EBF2: variants seen among roughly 807,000 people sequenced by gnomAD.
EBF2 encodes transcription factor COE2.
In EBF2, 21 loss-of-function variants were observed where a neutral mutation model predicts 72.8. That is an observed-to-expected ratio of 0.29 (90% CI 0.20 to 0.42). The LOEUF is 0.42. Among genes scored for constraint, EBF2 ranks in the 10% least tolerant of loss-of-function variants. The pLI is 1.00. For synonymous variants in EBF2, 299 were observed against 274.2 expected (o/e 1.09, Z -0.89); for missense variants, 637 against 731.2 (o/e 0.87, Z 1.49).
intron 6 of EBF2, among the ~76,000 whole-genome samples, chr8:26,021,493 CACTGCTTTCCA>C (rs1310006667): frequency 1.3e-5 from 2 of 152,168 alleles, no homozygotes; most frequent in African/African-American, 4.8e-5. Context: ...GAGAAAGGGC[CACTGCTTTCCA>C]ACTCCTCACA....
intron 10 of EBF2, among the ~76,000 whole-genome samples, chr8:25,872,237 G>A (rs1179158738): frequency 6.6e-6 from 1 of 152,118 alleles, no homozygotes; most frequent in East Asian, 1.9e-4. Context: ...ACCAGCAGGA[G>A]CACTGATTGC....
At chr8:25,978,802 T>A (rs770670132) in intron 6 of EBF2, among the ~76,000 whole-genome samples, 4 of 152,182 alleles carry the variant, frequency 2.6e-5, no homozygotes, top group Non-Finnish European at 4.4e-5. Flanking sequence ...AAGGGGCCCT[T>A]CGGTGCACAG....
chr8:25,905,458 T>C (rs74613395), intron 7 of EBF2, among the ~76,000 whole-genome samples: 1 of 152,302 alleles, frequency 6.6e-6, no homozygotes, highest in African/African-American at 2.4e-5. Context: ...AACTGACTAA[T>C]GAATTTTAAA....
Position 25,968,438 on chromosome 8 carries a change from G to A in EBF2, c.552-59883C>T, listed in dbSNP as rs992073217. Among the ~76,000 whole-genome samples the A allele has an allele frequency of 3.0e-4, 45 of 152,242 alleles. 1 individual carries two copies. Among genetic ancestry groups the A allele is most frequent in the Admixed American group, 2.9e-3 (45 of 15,292 alleles). On this transcript the variant is annotated intron_variant, in intron 6 of 15. Transcript: ENST00000520164. Reference sequence around the variant, plus strand: ...TGAGTGAAATAAACCAGTTATGAACGAATATTGTATAATCCCACTCACATG... The same window carrying A: ...TGAGTGAAATAAACCAGTTATGAACAAATATTGTATAATCCCACTCACATG...
chr8:25,981,857 C>T (rs1025385440), intron 6 of EBF2, among the ~76,000 whole-genome samples: 3 of 151,762 alleles, frequency 2.0e-5, no homozygotes, highest in Non-Finnish European at 4.4e-5. Context: ...AATAGATGCC[C>T]AGTTCTCCTT....
chr8:25,957,514 A>G (rs759349093), intron 6 of EBF2, among the ~76,000 whole-genome samples: 6 of 152,062 alleles, frequency 3.9e-5, no homozygotes, highest in Non-Finnish European at 7.4e-5. Flanking sequence ...GTGGAGCAAC[A>G]GTGTTTGGAA....
intron 6 of EBF2, among the ~76,000 whole-genome samples, chr8:25,987,898 C>T (rs549810548): frequency 5.0e-4 from 76 of 152,144 alleles, no homozygotes; most frequent in African/African-American, 1.6e-3. Flanking sequence ...ATATACAAAA[C>T]TCATAATCAT....
At position 25,886,788 on chromosome 8, in the gene EBF2, A is replaced by C. The variant is rs1802696636; in HGVS notation, c.976T>G (p.Cys326Gly). The C allele has an allele frequency of 6.2e-7, 1 of 1,611,810 alleles. No individual in the cohort carries two copies. Among genetic ancestry groups the C allele is most frequent in the Admixed American group, 1.7e-5 (1 of 59,740 alleles). The change falls in exon 10 of 16, where the codon TGC becomes GGC. Residue 326 changes from cysteine to glycine, a missense_variant. By Grantham distance (159) the Cys-to-Gly change is radical. Transcript: ENST00000520164. The stretch of plus-strand genomic sequence containing the variant: ...ATGAACCTTCCTGGGGCTCCTTTGC[A>C]GAACTGTTTAGATTTATAAGATAAT... The part of the protein sequence containing the change: ...VTLSYKSKQF[C>G]KGAPGRFIYT...
chr8:25,873,040 G>T (rs375923984), intron 10 of EBF2, among the ~76,000 whole-genome samples: 1 of 152,130 alleles, frequency 6.6e-6, no homozygotes, highest in Admixed American at 6.5e-5. Context: ...TCTCTCCCTC[G>T]TCCTTCCCCT....
chr8:25,995,721 A>C (rs974076898), intron 6 of EBF2, among the ~76,000 whole-genome samples: 1 of 152,120 alleles, frequency 6.6e-6, no homozygotes, highest in Non-Finnish European at 1.5e-5. Flanking sequence ...AGAAAAACAT[A>C]AACCAAAATT....
At chr8:25,909,987 G>A (rs1451631202) in intron 6 of EBF2, among the ~76,000 whole-genome samples, 1 of 152,130 alleles carries the variant, frequency 6.6e-6, no homozygotes, top group Non-Finnish European at 1.5e-5. Flanking sequence ...GTGGGAGGTT[G>A]GGCTTTGCTT....
intron 15 of EBF2, among the ~76,000 whole-genome samples, chr8:25,847,785 G>T (rs533315404): frequency 6.6e-6 from 1 of 152,120 alleles, no homozygotes; most frequent in Non-Finnish European, 1.5e-5. Flanking sequence ...TTCTCCACAC[G>T]TCACTTGATA....
In EBF2 at chr8:25,843,920, C is replaced by T. The variant is rs960091275; in HGVS notation, c.*689G>A. ...AAAACTTGTTACTACATGTTTGCAT[C>T]ATTTTCATTTTACATCAGGAAGAGA... On this transcript the variant is annotated 3_prime_UTR_variant, in exon 16 of 16. Coordinates refer to ENST00000520164, the MANE Select transcript of EBF2 (RefSeq NM_022659.4). 14 of 152,120 alleles carry T rather than the reference C, an allele frequency of 9.2e-5. No individual in the cohort carries two copies. Among genetic ancestry groups the T allele is most frequent in the African/African-American group, 3.1e-4 (13 of 41,412 alleles). The allele number at this position is 152,120 out of a possible 1,614,324, so 9.4% of individuals were successfully genotyped here.
chr8:25,952,102 G>A (rs1473891137), intron 6 of EBF2, among the ~76,000 whole-genome samples: 2 of 152,114 alleles, frequency 1.3e-5, no homozygotes, highest in African/African-American at 2.4e-5. Context: ...AGGCCAGCCT[G>A]GGCAACAGAG....
At chr8:25,862,829 T>C in intron 10 of EBF2, 32 bp from the exon 11 acceptor site, 1 of 1,524,664 alleles carries the variant, frequency 6.6e-7, no homozygotes, top group Non-Finnish European at 8.9e-7. Flanking sequence ...TCTGAGTTGG[T>C]ATCCTGGCTA....
intron 6 of EBF2, among the ~76,000 whole-genome samples, chr8:26,010,387 G>A (rs2117232994): frequency 6.6e-6 from 1 of 152,304 alleles, no homozygotes; most frequent in South Asian, 2.1e-4. Flanking sequence ...GCTTGGAACG[G>A]CACAACACAC....
rs180788097 is a variant in EBF2 at position 25,999,742 on chromosome 8, G to A, written c.551+33343C>T. Among the ~76,000 whole-genome samples the A allele has an allele frequency of 4.7e-4, 70 of 149,330 alleles. 1 individual carries two copies. The highest frequency in any genetic ancestry group is 6.1e-4 in the Admixed American group (9 of 14,816). On this transcript the variant is annotated intron_variant, in intron 6 of 15. Coordinates refer to ENST00000520164, the MANE Select transcript of EBF2 (RefSeq NM_022659.4). ...CTCCCTTCCATTTTCTCTTTCTATC[G>A]TCGTGTTCAGTCTGTCCACTCAGCT...
At chr8:25,880,323 C>G (rs987344926) in intron 10 of EBF2, among the ~76,000 whole-genome samples, 2 of 152,270 alleles carry the variant, frequency 1.3e-5, no homozygotes, top group Non-Finnish European at 2.9e-5. Flanking sequence ...TCACAAGTCT[C>G]AAAATGATAA....
intron 6 of EBF2, among the ~76,000 whole-genome samples, chr8:25,962,917 C>T (rs1044379709): frequency 6.6e-6 from 1 of 152,164 alleles, no homozygotes; most frequent in Non-Finnish European, 1.5e-5. Flanking sequence ...GTTTCATCAC[C>T]AGATTGCAAG....
Sources: gnomAD v4.1 joint callset for allele counts (sites outside exome capture counted in the v4.1 genomes callset) on GRCh38, gnomAD v4.1.1 for gene constraint, MANE v1.5 for transcripts, NCBI Gene and HGNC (gene_info 2026-07-23, HGNC 2026-07-21) for gene names.